Variants in XKR6 observed in about 807,000 individuals in gnomAD.
XKR6 encodes the protein XK related 6.
In XKR6, 22 loss-of-function variants were observed where a neutral mutation model predicts 56.7. The ratio of observed to expected loss-of-function variants is 0.39; its 90% CI spans 0.28 to 0.55. The LOEUF is 0.55. Ranked by LOEUF, XKR6 falls within the 20% of genes least tolerant of loss-of-function variation. The pLI, the probability that XKR6 is intolerant of heterozygous loss-of-function variation, is 0.66. For missense variants in XKR6, 852 were observed against 889.0 expected (o/e 0.96, Z 0.53); for synonymous variants, 524 against 387.8 (o/e 1.35, Z -4.13).
At chr8:10,920,712 C>T (rs1800685397) in intron 2 of XKR6, among the ~76,000 whole-genome samples, 1 of 152,244 alleles carries the variant, frequency 6.6e-6, no homozygotes, top group Admixed American at 6.5e-5. Context: ...AAATGCCAAG[C>T]CCCTTACAGG....
At chr8:10,921,776 T>C (rs1226228273) in intron 2 of XKR6, among the ~76,000 whole-genome samples, 10 of 152,262 alleles carry the variant, frequency 6.6e-5, no homozygotes, top group Admixed American at 5.9e-4. Context: ...AGAGGAGGCA[T>C]AACTTGGCAG....
At chr8:10,911,912 A>C (rs905581671) in intron 2 of XKR6, among the ~76,000 whole-genome samples, 1 of 150,770 alleles carries the variant, frequency 6.6e-6, no homozygotes. Context: ...AGGTATATAT[A>C]GAGAGGGAGG....
chr8:11,190,183 A>AAAAG (rs772557967), intron 1 of XKR6, among the ~76,000 whole-genome samples: 18 of 130,728 alleles, frequency 1.4e-4, no homozygotes, highest in East Asian at 8.0e-4. Flanking sequence ...GAAAAGAAAG[A>AAAAG]AAAGAAAGAA....
At chr8:10,984,633 T>A (rs931497109) in intron 1 of XKR6, among the ~76,000 whole-genome samples, 61 of 149,072 alleles carry the variant, frequency 4.1e-4, no homozygotes, top group African/African-American at 1.5e-3. Context: ...TAAGCAAAAA[T>A]CCATCAGCTT....
rs142891090 is a variant in XKR6, at chr8:10,970,627, T to A, written c.765-45797A>T. Among the ~76,000 whole-genome samples, 117 of 152,196 alleles carry A rather than the reference T, an allele frequency of 7.7e-4. 1 individual carries two copies. Among genetic ancestry groups the A allele is most frequent in the African/African-American group, 2.7e-3 (110 of 41,482 alleles). On this transcript the variant is annotated intron_variant, in intron 1 of 2. Transcript: ENST00000416569. ...GTGTCTCAACTGTTCATTCCTGTGA[T>A]TCTCAGTGTTTTTCCTCATCAGGGT...
At chr8:10,980,374 G>A (rs1387777802) in intron 1 of XKR6, among the ~76,000 whole-genome samples, 1 of 152,218 alleles carries the variant, frequency 6.6e-6, no homozygotes, top group Non-Finnish European at 1.5e-5. Flanking sequence ...TCCCATGGGT[G>A]ACAGGGAGCT....
At chr8:11,199,358 G>A (rs1804070492) in intron 1 of XKR6, among the ~76,000 whole-genome samples, 1 of 152,180 alleles carries the variant, frequency 6.6e-6, no homozygotes. Context: ...GCTGAATAGA[G>A]ATCTGGACAA....
chr8:10,987,410 A>G (rs77424861), intron 1 of XKR6, among the ~76,000 whole-genome samples: 7,363 of 152,312 alleles, frequency 0.048, 260 homozygotes, highest in Non-Finnish European at 0.072. Flanking sequence ...CAAACCACAG[A>G]GTCAACTTTG....
chr8:11,108,181 T>C (rs1343173391), intron 1 of XKR6: 2 of 425,996 alleles, frequency 4.7e-6, no homozygotes, highest in Non-Finnish European at 9.3e-6. Flanking sequence ...TTCTGTTAAA[T>C]GTCCACTACA....
At chr8:11,185,022 T>C (rs1803197064) in intron 1 of XKR6, among the ~76,000 whole-genome samples, 1 of 152,228 alleles carries the variant, frequency 6.6e-6, no homozygotes, top group Admixed American at 6.5e-5. Flanking sequence ...TTTTTCTCTC[T>C]GGGTACCTGG....
intron 1 of XKR6, among the ~76,000 whole-genome samples, chr8:11,003,033 G>C (rs1798280645): frequency 1.3e-5 from 2 of 151,994 alleles, no homozygotes; most frequent in African/African-American, 4.8e-5. Context: ...ACAATTCCAA[G>C]TCAGGGACAC....
In XKR6 at chr8:10,975,756, T is replaced by A. The variant is rs577837601; in HGVS notation, c.765-50926A>T. On this transcript the variant is annotated intron_variant, in intron 1 of 2. Coordinates refer to ENST00000416569, the MANE Select transcript of XKR6 (RefSeq NM_173683.4). ...CAGCCCAGCTGACCGCAAGGCCGAG[T>A]CACACTGTGTCTGCTTAGGCCTGGC... 3.9e-5 allele frequency among the ~76,000 whole-genome samples: 6 copies of A among 152,218 alleles called. No homozygotes were observed. The South Asian group carries it at 1.2e-3, about 32-fold the overall frequency.
intron 1 of XKR6, among the ~76,000 whole-genome samples, chr8:11,157,106 T>C (rs34208825): frequency 3.9e-5 from 6 of 151,920 alleles, no homozygotes; most frequent in Non-Finnish European, 8.8e-5. Context: ...AAAAATGTCA[T>C]ACTAACCCAA....
At chr8:10,968,858 GC>G (rs560573700) in intron 1 of XKR6, among the ~76,000 whole-genome samples, 132 of 152,370 alleles carry the variant, frequency 8.7e-4, no homozygotes, top group African/African-American at 3.1e-3. Context: ...GGAGCCACCT[GC>G]CCGCTCTGAA....
intron 1 of XKR6, among the ~76,000 whole-genome samples, chr8:11,162,828 T>A (rs1392071191): frequency 6.6e-6 from 1 of 152,236 alleles, no homozygotes; most frequent in Non-Finnish European, 1.5e-5. Context: ...TTTAAGCCAT[T>A]ACCACTAACA....
At chr8:11,178,545 AAAATATATATAT>A (rs1486980914) in intron 1 of XKR6, among the ~76,000 whole-genome samples, 1 of 78,990 alleles carries the variant, frequency 1.3e-5, no homozygotes, top group African/African-American at 3.3e-5. Context: ...CTGAGAGGTA[AAAATATATATAT>A]ATATATATAT....
chr8:10,897,923 G>T lies in XKR6; in HGVS notation c.*29C>A. 3 of 1,527,594 alleles carry T rather than the reference G, an allele frequency of 2.0e-6. No individual in the cohort carries two copies. The highest frequency in any genetic ancestry group is 2.6e-6 in the Non-Finnish European group (3 of 1,138,128). 94.6% of individuals were successfully genotyped at this position (1,527,594 alleles called of 1,614,324 possible). The stretch of plus-strand genomic sequence containing the variant: ...CTGTTTGCCGCAAACCAAACTTAAG[G>T]TCCCCTTCTCAACTTGGTCAAGATG... On this transcript the variant is annotated 3_prime_UTR_variant, in exon 3 of 3. Coordinates refer to ENST00000416569, the MANE Select transcript of XKR6 (RefSeq NM_173683.4).
At position 11,156,491 on chromosome 8, in the gene XKR6, A is replaced by T. The variant is rs75109625; in HGVS notation, c.764+44085T>A. 8.3e-3 allele frequency among the ~76,000 whole-genome samples: 1,259 copies of T among 152,334 alleles called. 13 individuals are homozygous for T. Among genetic ancestry groups the T allele is most frequent in the African/African-American group, 0.029 (1,205 of 41,576 alleles). The stretch of plus-strand genomic sequence containing the variant: ...ATCATAAGAGTTTCAAAGATCTGTG[A>T]AACACCTAAAATTGCAGGCAGTATT... On this transcript the variant is annotated intron_variant, in intron 1 of 2. Transcript: ENST00000416569.
At chr8:11,055,568 C>T (rs890366405) in intron 1 of XKR6, among the ~76,000 whole-genome samples, 10 of 152,212 alleles carry the variant, frequency 6.6e-5, no homozygotes, top group African/African-American at 2.4e-4. Context: ...CCTCACAGCA[C>T]AGCAGCCCCT....
Sources: gnomAD v4.1 joint callset for allele counts (sites outside exome capture counted in the v4.1 genomes callset) on GRCh38, gnomAD v4.1.1 for gene constraint, MANE v1.5 for transcripts, NCBI Gene and HGNC (gene_info 2026-07-23, HGNC 2026-07-21) for gene names.